The following IL1RAPL1 variants were observed in gnomAD, a reference collection of about 807,000 sequenced individuals.
IL1RAPL1 encodes interleukin-1 receptor accessory protein-like 1.
A neutral mutation model predicts 48.4 loss-of-function variants in IL1RAPL1; 3 were observed. The observed-to-expected ratio is 0.06, with a 90% confidence interval of 0.03 to 0.16. IL1RAPL1 has a LOEUF of 0.16. IL1RAPL1 is among the 10% of genes least tolerant of loss of function. IL1RAPL1 has a pLI of 1.00. For synonymous variants in IL1RAPL1, 185 were observed against 187.7 expected, an observed-to-expected ratio of 0.99 and a Z score of 0.12; for missense variants, 349 against 530.6, an observed-to-expected ratio of 0.66 and a Z score of 3.36.
chrX:29,704,279 AT>A (rs1455041206), intron 6 of IL1RAPL1, among the ~76,000 whole-genome samples: 1 of 111,437 alleles, frequency 9.0e-6, no homozygotes, highest in Non-Finnish European at 1.9e-5. Context: ...TTCCTATTAC[AT>A]TTTAATAAAA....
At chrX:29,754,304 T>A (rs766046298) in intron 6 of IL1RAPL1, among the ~76,000 whole-genome samples, 1 of 111,691 alleles carries the variant, frequency 9.0e-6, no homozygotes, top group South Asian at 3.7e-4. Context: ...GCTCCAAAAT[T>A]CTTATAGTCA....
chrX:28,789,580 CAT>C (rs1470254197), intron 2 of IL1RAPL1, among the ~76,000 whole-genome samples, 155 bp downstream of exon 2: 1 of 112,006 alleles, frequency 8.9e-6, no homozygotes, highest in Non-Finnish European at 1.9e-5. Flanking sequence ...GGAGCACACT[CAT>C]AGGGAATTAG....
chrX:29,946,515 C>T (rs1450123789), intron 9 of IL1RAPL1, among the ~76,000 whole-genome samples: 1 of 112,268 alleles, frequency 8.9e-6, no homozygotes, highest in Non-Finnish European at 1.9e-5. Context: ...TATCCCCCTA[C>T]CACTTTGATT....
At chrX:29,173,284 A>G (rs1293226696) in intron 2 of IL1RAPL1, among the ~76,000 whole-genome samples, 1 of 112,180 alleles carries the variant, frequency 8.9e-6, no homozygotes, top group Non-Finnish European at 1.9e-5. Context: ...ACACTTAAAT[A>G]AAGTATTATC....
At chrX:29,710,654 T>A (rs898102602) in intron 6 of IL1RAPL1, among the ~76,000 whole-genome samples, 1 of 105,965 alleles carries the variant, frequency 9.4e-6, no homozygotes, top group African/African-American at 3.4e-5. Flanking sequence ...CTAGAAACTT[T>A]TATTGAATAG....
At chrX:29,185,774 T>C (rs1433321000) in intron 2 of IL1RAPL1, among the ~76,000 whole-genome samples, 4 of 110,927 alleles carry the variant, frequency 3.6e-5, no homozygotes, top group Non-Finnish European at 7.6e-5. Context: ...GAAGGTCAAA[T>C]GTGTAATAGG....
intron 2 of IL1RAPL1, among the ~76,000 whole-genome samples, chrX:29,243,375 CT>C (rs1444581068): frequency 1.8e-5 from 2 of 111,919 alleles, no homozygotes; most frequent in Non-Finnish European, 3.8e-5. Context: ...GTGAAATTCA[CT>C]GGCACCAATC....
intron 2 of IL1RAPL1, among the ~76,000 whole-genome samples, chrX:29,065,641 G>A (rs1927437020): frequency 9.0e-6 from 1 of 111,444 alleles, no homozygotes; most frequent in African/African-American, 3.3e-5. Flanking sequence ...GTTCTGATAT[G>A]CTCATTACGT....
chrX:29,184,026 C>T (rs1389230671), intron 2 of IL1RAPL1, among the ~76,000 whole-genome samples: 1 of 112,015 alleles, frequency 8.9e-6, no homozygotes. Context: ...AAAACTTTTT[C>T]TTGTTTTTAG....
At chrX:29,438,421 C>A (rs1167149938) in intron 5 of IL1RAPL1, among the ~76,000 whole-genome samples, 2 of 110,819 alleles carry the variant, frequency 1.8e-5, no homozygotes, top group African/African-American at 3.3e-5. Flanking sequence ...GTGCAGTGTG[C>A]TTTGGGTTCA....
At position 29,479,414 on chromosome X, in the gene IL1RAPL1, C is replaced by CAAAAAAAAAAAAAA. The variant is rs3069570; in HGVS notation, c.703+80110_703+80123dup. ...TGGGTGACAGAGCGAGACCCTGTCT[C>CAAAAAAAAAAAAAA]AAAAAAAAAAAAAAAAATTAGCATT... On this transcript the variant is annotated intron_variant, in intron 5 of 10. Coordinates refer to ENST00000378993, the MANE Select transcript of IL1RAPL1 (RefSeq NM_014271.4). Among the ~76,000 whole-genome samples the CAAAAAAAAAAAAAA allele has an allele frequency of 8.2e-4, 35 of 42,465 alleles. 3 individuals are homozygous for CAAAAAAAAAAAAAA. In the East Asian group the frequency reaches 0.021, roughly 26 times the overall value. The allele number at this position is 42,465 out of a possible 115,157, so 36.9% of individuals were successfully genotyped here.
intron 5 of IL1RAPL1, among the ~76,000 whole-genome samples, chrX:29,624,712 G>A (rs907379184): frequency 9.1e-6 from 1 of 109,856 alleles, no homozygotes; most frequent in African/African-American, 3.3e-5. Flanking sequence ...GGGCTTGGTT[G>A]CTACATGCCT....
intron 3 of IL1RAPL1, among the ~76,000 whole-genome samples, chrX:29,316,332 G>A (rs1174365285): frequency 8.9e-6 from 1 of 111,914 alleles, no homozygotes; most frequent in Admixed American, 9.5e-5. Flanking sequence ...CGATTTTGAA[G>A]ATGACCTCGA....
intron 2 of IL1RAPL1, among the ~76,000 whole-genome samples, chrX:29,054,376 C>T (rs905122076): frequency 1.8e-5 from 2 of 111,208 alleles, no homozygotes; most frequent in African/African-American, 6.6e-5. Flanking sequence ...CTTGACTATC[C>T]GAAACCAAAT....
chrX:29,629,063 GA>G (rs1924694871), intron 5 of IL1RAPL1, among the ~76,000 whole-genome samples: 1 of 111,824 alleles, frequency 8.9e-6, no homozygotes, highest in Non-Finnish European at 1.9e-5. Context: ...AAAGGCTCCA[GA>G]AACTACAGTT....
chrX:28,851,370 C>T (rs1921659947), intron 2 of IL1RAPL1, among the ~76,000 whole-genome samples: 1 of 110,976 alleles, frequency 9.0e-6, no homozygotes, highest in Admixed American at 9.7e-5. Context: ...TATGGTGACT[C>T]ATCAACAATC....
At chrX:29,380,909 A>T (rs1210709669) in intron 3 of IL1RAPL1, among the ~76,000 whole-genome samples, 1 of 112,253 alleles carries the variant, frequency 8.9e-6, no homozygotes, top group Non-Finnish European at 1.9e-5. Context: ...GAATGGGAGT[A>T]AATAGTATTA....
At chrX:29,480,285 C>CATATATAT (rs1180845228) in intron 5 of IL1RAPL1, among the ~76,000 whole-genome samples, 148 of 56,627 alleles carry the variant, frequency 2.6e-3, no homozygotes, top group African/African-American at 0.015. Context: ...TATACACACA[C>CATATATAT]ATATACATAT....
At chrX:29,932,777 T>C (rs1287382517) in intron 8 of IL1RAPL1, among the ~76,000 whole-genome samples, 2 of 111,713 alleles carry the variant, frequency 1.8e-5, no homozygotes, top group East Asian at 5.6e-4. Flanking sequence ...CTCTTATTAT[T>C]ATTATTTATT....
Sources: allele counts gnomAD v4.1 joint callset (sites outside exome capture counted in the v4.1 genomes callset), GRCh38; gene constraint gnomAD v4.1.1; transcripts MANE v1.5; gene names NCBI Gene and HGNC (gene_info 2026-07-23, HGNC 2026-07-21).